KAZN: variants seen among roughly 807,000 people sequenced by gnomAD.
KAZN encodes kazrin.
KAZN carries 40 observed loss-of-function variants against 87.4 expected under a neutral mutation model. The ratio of observed to expected loss-of-function variants is 0.46; its 90% CI spans 0.36 to 0.60. The LOEUF is 0.60. KAZN is among the 20% of genes least tolerant of loss of function. The pLI, the probability that KAZN is intolerant of heterozygous loss-of-function variation, is 0.00. For synonymous variants in KAZN, 466 were observed against 458.3 expected (o/e 1.02, Z -0.22); for missense variants, 898 against 1,073.9 (o/e 0.84, Z 2.29).
intron 1 of KAZN, among the ~76,000 whole-genome samples, chr1:14,136,183 T>C (rs964849789): frequency 1.3e-5 from 2 of 152,040 alleles, no homozygotes; most frequent in Admixed American, 6.5e-5. Flanking sequence ...GGCTATTTGG[T>C]TTGTACTGAA....
At chr1:14,192,919 G>C (rs1646450613) in intron 2 of KAZN, among the ~76,000 whole-genome samples, 1 of 152,228 alleles carries the variant, frequency 6.6e-6, no homozygotes, top group African/African-American at 2.4e-5. Context: ...ATTAGAGTGG[G>C]TGCTAATCCA....
chr1:14,703,130 G>C (rs530004462), intron 1 of KAZN, among the ~76,000 whole-genome samples: 1 of 152,240 alleles, frequency 6.6e-6, no homozygotes, highest in South Asian at 2.1e-4. Flanking sequence ...GTATATATTG[G>C]GTCTTTGAGA....
intron 1 of KAZN, among the ~76,000 whole-genome samples, chr1:14,682,776 G>T (rs1640748430): frequency 6.6e-6 from 1 of 152,092 alleles, no homozygotes; most frequent in South Asian, 2.1e-4. Flanking sequence ...TAATGCTCAT[G>T]ACACTCTAGA....
Position 14,923,992 on chromosome 1 carries a change from A to G in KAZN, c.227-36692A>G. The stretch of plus-strand genomic sequence containing the variant: ...ACCGAGTGGCGGGGGCCGGGCGCAC[A>G]ACGGGGCGACGCGGCGGCGCTCCCC... On this transcript the variant is annotated intron_variant, in intron 1 of 14. Coordinates refer to ENST00000376030, the MANE Select transcript of KAZN (RefSeq NM_201628.3). This position sits in a 1 kb window ranked among gnomAD's most constrained non-coding sequence, Gnocchi z 4.2. 2 of 427,890 alleles carry G rather than the reference A, an allele frequency of 4.7e-6. No homozygotes were observed. The highest frequency in any genetic ancestry group is 6.2e-6 in the Non-Finnish European group (2 of 323,792). The allele number at this position is 427,890 out of a possible 1,614,324, so 26.5% of individuals were successfully genotyped here.
chr1:13,899,545 C>A (rs947599386), intron 1 of KAZN, among the ~76,000 whole-genome samples: 4 of 152,104 alleles, frequency 2.6e-5, no homozygotes, highest in Admixed American at 2.6e-4. Flanking sequence ...GACAGTCACT[C>A]CTCATAACAT....
At chr1:14,375,055 A>C (rs1386842286) in intron 2 of KAZN, among the ~76,000 whole-genome samples, 1 of 152,222 alleles carries the variant, frequency 6.6e-6, no homozygotes, top group Non-Finnish European at 1.5e-5. Flanking sequence ...TGTTGCAGCT[A>C]CAGCTCCAGG....
At chr1:14,291,418 C>T (rs1399813882) in intron 2 of KAZN, among the ~76,000 whole-genome samples, 1 of 152,228 alleles carries the variant, frequency 6.6e-6, no homozygotes, top group Non-Finnish European at 1.5e-5. Flanking sequence ...AGCCAGGTTG[C>T]CGCCTTGCAA....
intron 2 of KAZN, among the ~76,000 whole-genome samples, chr1:15,003,376 T>TG (rs1235984265): frequency 6.6e-6 from 1 of 152,204 alleles, no homozygotes; most frequent in African/African-American, 2.4e-5. Flanking sequence ...CTCATCCCTT[T>TG]GGGGGCCATG....
chr1:14,486,630 C>T (rs983107740), intron 2 of KAZN, among the ~76,000 whole-genome samples: 15 of 152,134 alleles, frequency 9.9e-5, no homozygotes, highest in African/African-American at 3.1e-4. Context: ...AAAGATAATG[C>T]GTAGTGAAGA....
At chr1:14,329,752 A>G (rs917761765) in intron 2 of KAZN, among the ~76,000 whole-genome samples, 1 of 152,170 alleles carries the variant, frequency 6.6e-6, no homozygotes, top group African/African-American at 2.4e-5. Context: ...CAGCTTCTCC[A>G]TAAGTCAAAG....
chr1:14,196,288 C>G (rs114456945), intron 2 of KAZN, among the ~76,000 whole-genome samples: 26 of 152,174 alleles, frequency 1.7e-4, no homozygotes, highest in Non-Finnish European at 3.1e-4. Context: ...GGATTTCAAA[C>G]AAAGGAATGA....
At chr1:13,980,811 G>A (rs920881445) in intron 1 of KAZN, among the ~76,000 whole-genome samples, 2 of 151,884 alleles carry the variant, frequency 1.3e-5, no homozygotes, top group Admixed American at 6.6e-5. Flanking sequence ...CCATGTCTGC[G>A]GCCTGGGCTG....
intron 2 of KAZN, among the ~76,000 whole-genome samples, chr1:14,482,629 T>C (rs1250295828): frequency 2.0e-5 from 3 of 152,094 alleles, no homozygotes; most frequent in Non-Finnish European, 4.4e-5. Flanking sequence ...AATGGCATCA[T>C]TAGAAAGGGA....
intron 2 of KAZN, among the ~76,000 whole-genome samples, chr1:14,462,701 A>T (rs920034404): frequency 6.6e-6 from 1 of 152,172 alleles, no homozygotes; most frequent in African/African-American, 2.4e-5. Flanking sequence ...GCAAAGTCAC[A>T]TCTTACCTGG....
At chr1:13,928,107 T>G (rs1640355226) in intron 1 of KAZN, among the ~76,000 whole-genome samples, 1 of 152,252 alleles carries the variant, frequency 6.6e-6, no homozygotes, top group Admixed American at 6.5e-5. Flanking sequence ...TGTGTTTGTA[T>G]GCAGTGGTCA....
chr1:14,818,181 G>C (rs531306941), intron 1 of KAZN, among the ~76,000 whole-genome samples: 1 of 152,334 alleles, frequency 6.6e-6, no homozygotes, highest in East Asian at 1.9e-4. Flanking sequence ...CTTGACCCTA[G>C]AGCTGAAAAT....
chr1:14,420,111 T>C (rs1216472972), intron 2 of KAZN, among the ~76,000 whole-genome samples: 1 of 152,184 alleles, frequency 6.6e-6, no homozygotes, highest in Non-Finnish European at 1.5e-5. Context: ...TGCTGATTGG[T>C]GCATTTGCAA....
intron 1 of KAZN, among the ~76,000 whole-genome samples, chr1:14,173,811 C>A (rs1244245119): frequency 6.6e-6 from 1 of 152,158 alleles, no homozygotes; most frequent in East Asian, 1.9e-4. Flanking sequence ...CTTGGATTGG[C>A]CAGGCCTGGA....
chr1:14,818,175 AC>A (rs1190535926), intron 1 of KAZN, among the ~76,000 whole-genome samples: 1 of 152,178 alleles, frequency 6.6e-6, no homozygotes, highest in African/African-American at 2.4e-5. Flanking sequence ...TCAAAACTTG[AC>A]CCTAGAGCTG....
Sources: allele counts gnomAD v4.1 joint callset (sites outside exome capture counted in the v4.1 genomes callset), GRCh38; gene constraint gnomAD v4.1.1; non-coding constraint Gnocchi (gnomAD v3.1); transcripts MANE v1.5; gene names NCBI Gene and HGNC (gene_info 2026-07-23, HGNC 2026-07-21).